Variants in LBR observed in about 807,000 individuals in gnomAD.
The protein encoded by LBR is lamin B receptor.
A neutral mutation model predicts 74.3 loss-of-function variants in LBR; 28 were observed. That is an observed-to-expected ratio of 0.38 (90% CI 0.28 to 0.52). The LOEUF (loss-of-function observed/expected upper bound fraction) is 0.52, where lower values mean the gene tolerates loss of function less well. Among genes scored for constraint, LBR ranks in the 20% least tolerant of loss-of-function variants. The pLI is 0.89. For missense variants in LBR, 717 were observed against 760.3 expected (o/e 0.94, Z 0.67); for synonymous variants, 228 against 269.3 (o/e 0.85, Z 1.50).
intron 5 of LBR, among the ~76,000 whole-genome samples, chr1:225,418,396 TA>T (rs566412801): frequency 3.1e-4 from 43 of 140,460 alleles, no homozygotes; most frequent in Middle Eastern, 3.6e-3. Context: ...TAAATAAAAA[TA>T]AAAAAAAAAA....
At chr1:225,404,814 C>A in intron 11 of LBR, 108 bp from the exon 12 acceptor site, 1 of 850,418 alleles carries the variant, frequency 1.2e-6, no homozygotes. Context: ...AGGAAATTTC[C>A]AAAGCAGACT....
At chr1:225,417,772 G>A (rs1339421137) in intron 6 of LBR, 1 of 555,388 alleles carries the variant, frequency 1.8e-6, no homozygotes, top group Non-Finnish European at 3.2e-6. Flanking sequence ...AAGAGAAATG[G>A]CTTCATGAAC....
chr1:225,425,900 T>C (rs139464413), intron 1 of LBR, among the ~76,000 whole-genome samples: 240 of 152,338 alleles, frequency 1.6e-3, no homozygotes, highest in African/African-American at 5.5e-3. Context: ...AAAAGACCCT[T>C]GAACAGTTTC....
At chr1:225,415,463 A>C in intron 6 of LBR, 131 bp from the exon 7 acceptor site, 1 of 605,578 alleles carries the variant, frequency 1.7e-6, no homozygotes, top group South Asian at 2.0e-5. Flanking sequence ...ATCTTGTAAC[A>C]TGGAAATTTA....
chr1:225,408,896 G>A (rs2096098342), intron 10 of LBR, among the ~76,000 whole-genome samples: 1 of 152,214 alleles, frequency 6.6e-6, no homozygotes, highest in Admixed American at 6.5e-5. Context: ...CAACATGGCA[G>A]AAAGCTAGTA....
intron 13 of LBR, among the ~76,000 whole-genome samples, chr1:225,403,818 G>A (rs904267498): frequency 2.4e-4 from 36 of 151,890 alleles, no homozygotes; most frequent in African/African-American, 7.7e-4. Context: ...CAGCAGGCAC[G>A]GGCCAGCTCC....
In LBR at chr1:225,403,207, G is replaced by A. The variant is rs1575216864; in HGVS notation, c.*96C>T. Reference sequence around the variant, plus strand: ...AAAGAAAAAAAAAAGTACAGACCCTGTCAGTGCAACAAAAGAAAGTTTCGG... The same window carrying A: ...AAAGAAAAAAAAAAGTACAGACCCTATCAGTGCAACAAAAGAAAGTTTCGG... On this transcript the variant is annotated 3_prime_UTR_variant, in exon 14 of 14. Transcript: ENST00000272163. The A allele has an allele frequency of 8.6e-7, 1 of 1,166,314 alleles. No individual in the cohort carries two copies. The highest frequency in any genetic ancestry group is 2.3e-5 in the East Asian group (1 of 42,686). 72.2% of individuals were successfully genotyped at this position (1,166,314 alleles called of 1,614,324 possible). A position where few individuals can be genotyped will look rare whatever the true frequency, so the allele number is the denominator to read the frequency against.
intron 2 of LBR, among the ~76,000 whole-genome samples, chr1:225,423,406 T>C (rs992243202): frequency 1.3e-5 from 2 of 151,954 alleles, no homozygotes; most frequent in African/African-American, 2.4e-5. Flanking sequence ...GCATGGAATA[T>C]AAAAGCCCCC....
intron 10 of LBR, among the ~76,000 whole-genome samples, chr1:225,407,050 T>A (rs988329704): frequency 6.6e-6 from 1 of 152,130 alleles, no homozygotes; most frequent in African/African-American, 2.4e-5. Context: ...GCTCTGGAGA[T>A]AACAGATCTC....
intron 13 of LBR, among the ~76,000 whole-genome samples, chr1:225,403,861 C>T (rs374978164): frequency 8.9e-4 from 116 of 130,838 alleles, no homozygotes; most frequent in African/African-American, 3.1e-3. Context: ...GATCCCCCTG[C>T]TCCCCCAGTT....
At chr1:225,428,313 G>A (rs991189678), upstream of LBR, among the ~76,000 whole-genome samples, 3 of 152,156 alleles carry the variant, frequency 2.0e-5, no homozygotes, top group Non-Finnish European at 4.4e-5. Flanking sequence ...CGCGACGTTT[G>A]CCACCGCCTT....
At chr1:225,428,468 C>T (rs924137453), upstream of LBR, among the ~76,000 whole-genome samples, 17 of 152,140 alleles carry the variant, frequency 1.1e-4, no homozygotes, top group African/African-American at 4.1e-4. Context: ...CTAATACATT[C>T]TTGAAGTGAT....
intron 7 of LBR, chr1:225,413,982 C>CA (rs776851703): frequency 2.0e-4 from 91 of 456,628 alleles, no homozygotes; most frequent in Non-Finnish European, 3.3e-4. Flanking sequence ...GAGAAACACA[C>CA]AAAACACTGA....
At chr1:225,417,190 T>C (rs898697100) in intron 6 of LBR, among the ~76,000 whole-genome samples, 1 of 152,190 alleles carries the variant, frequency 6.6e-6, no homozygotes, top group Non-Finnish European at 1.5e-5. Flanking sequence ...CCACTAAAGT[T>C]ATGGTCTCAC....
rs190140540 is a variant in LBR, at chr1:225,419,736, G to A, written c.429C>T (p.Asp143=). ...CCACCTGTGTATTTTTATGAGGTGC[G>A]TCATTTCTCTCAATATGCTCAGGCT... ...NGEPEHIERN[D]APHKNTQEKF... Residue 143 remains aspartate, a synonymous_variant, in exon 4 of 14, where the codon GAC becomes GAT. Transcript: ENST00000272163. 25 of 1,611,006 alleles carry A rather than the reference G, an allele frequency of 1.6e-5. No individual in the cohort carries two copies. The highest frequency in any genetic ancestry group is 1.1e-4 in the East Asian group (5 of 44,796).
chr1:225,428,189 T>A (rs935560451), upstream of LBR, among the ~76,000 whole-genome samples: 3 of 151,706 alleles, frequency 2.0e-5, no homozygotes, highest in Non-Finnish European at 4.4e-5. Flanking sequence ...TTTTGAATCA[T>A]CCCCGGCGCT....
Position 225,411,377 on chromosome 1 carries a change from A to C in LBR, c.1148T>G (p.Leu383Arg). Residue 383 changes from leucine (L) to arginine (R), a missense_variant, in exon 9 of 14, where the codon CTC (leucine) becomes CGC (arginine). Transcript: ENST00000272163. ...ELNPRIGTFDLKYFCELRPGL... is the reference protein window; with the variant it reads ...ELNPRIGTFDRKYFCELRPGL... The stretch of plus-strand genomic sequence containing the variant: ...GGGGCGCAATTCACAAAAGTATTTG[A>C]GATCAAAAGTACCAATTCGAGGGTT... 1 of 1,614,080 alleles carries C rather than the reference A, an allele frequency of 6.2e-7. No homozygotes were observed. Among genetic ancestry groups the C allele is most frequent in the Non-Finnish European group, 8.5e-7 (1 of 1,179,892 alleles).
At chr1:225,422,014 A>T in intron 3 of LBR, 63 bp downstream of exon 3, 1 of 1,475,442 alleles carries the variant, frequency 6.8e-7, no homozygotes, top group Admixed American at 1.7e-5. Flanking sequence ...AACTGCAAGT[A>T]ACTTGAGTAA....
At chr1:225,426,277 C>T (rs1299882850) in intron 1 of LBR, among the ~76,000 whole-genome samples, 1 of 152,180 alleles carries the variant, frequency 6.6e-6, no homozygotes, top group African/African-American at 2.4e-5. Context: ...TAATATATTC[C>T]CCCACAGGAG....
Sources: allele counts gnomAD v4.1 joint callset (sites outside exome capture counted in the v4.1 genomes callset), GRCh38; gene constraint gnomAD v4.1.1; transcripts MANE v1.5; gene names NCBI Gene and HGNC (gene_info 2026-07-23, HGNC 2026-07-21).